Variants in DNAH11 observed in about 807,000 individuals in gnomAD.
The protein encoded by DNAH11 is axonemal beta dynein heavy chain 11.
Under a neutral mutation model 526.0 loss-of-function variants are expected in DNAH11, and 442 were observed. That is an observed-to-expected ratio of 0.84 (90% CI 0.78 to 0.91). DNAH11 has a LOEUF of 0.91. Among genes scored for constraint, DNAH11 ranks in the 40% least tolerant of loss-of-function variants. DNAH11 has a pLI of 0.00. For synonymous variants in DNAH11, 2,461 were observed against 1,935.9 expected (o/e 1.27, Z -7.12); for missense variants, 6,989 against 5,448.7 (o/e 1.28, Z -8.90).
chr7:21,625,333 T>C lies in DNAH11; in HGVS notation c.4500+5255T>C, dbSNP rs528116072. ...TGTTCATAGTAGTCTCTTATGATCC[T>C]TTGTATTTCTGTCGTATCAGTTGTA... On this transcript the variant is annotated intron_variant, in intron 25 of 81. Transcript: ENST00000409508. Among the ~76,000 whole-genome samples the C allele has an allele frequency of 2.0e-5, 3 of 152,286 alleles. No homozygotes were observed. In the East Asian group the frequency reaches 5.8e-4, roughly 29 times the overall value.
chr7:21,714,920 C>G (rs946250797), intron 42 of DNAH11, among the ~76,000 whole-genome samples: 1 of 152,204 alleles, frequency 6.6e-6, no homozygotes, highest in Non-Finnish European at 1.5e-5. Context: ...AACTTTAGAT[C>G]ATACTCTTTC....
chr7:21,743,397 A>G (rs1201606567), intron 49 of DNAH11, among the ~76,000 whole-genome samples: 1 of 152,226 alleles, frequency 6.6e-6, no homozygotes. Context: ...TATTTGACTT[A>G]GGAAATTCTG....
intron 57 of DNAH11, among the ~76,000 whole-genome samples, chr7:21,782,919 A>AAAAG (rs201885292): frequency 1.3e-5 from 1 of 74,296 alleles, no homozygotes; most frequent in African/African-American, 3.7e-5. Flanking sequence ...AAAAAAAAAA[A>AAAAG]AAAGAAAGAA....
intron 68 of DNAH11, among the ~76,000 whole-genome samples, 173 bp from the exon 69 acceptor site, chr7:21,861,680 C>T: frequency 6.6e-6 from 1 of 152,134 alleles, no homozygotes; most frequent in East Asian, 1.9e-4. Flanking sequence ...ACAGTAATGA[C>T]AGCAAACATT....
intron 61 of DNAH11, among the ~76,000 whole-genome samples, chr7:21,789,808 T>TCTTTCTTTCTTTCTTCTTTC: frequency 2.9e-5 from 1 of 34,084 alleles, no homozygotes; most frequent in South Asian, 1.1e-3. Flanking sequence ...TTTCTTTCTT[T>TCTTTCTTTCTTTCTTCTTTC]TTTCTTTCTT....
intron 61 of DNAH11, among the ~76,000 whole-genome samples, chr7:21,791,012 A>G (rs10230885): frequency 0.15 from 22,247 of 152,182 alleles, 2,505 homozygotes; most frequent in African/African-American, 0.31. Context: ...CACTGTCGTG[A>G]ATCCTGTTAT....
intron 61 of DNAH11, 119 bp from the exon 62 acceptor site, chr7:21,801,018 A>G: frequency 1.9e-6 from 2 of 1,074,134 alleles, no homozygotes; most frequent in South Asian, 1.4e-5. Flanking sequence ...TAAAGGGGCA[A>G]AGGTTAATGG....
At chr7:21,547,783 G>C (rs1231686444) in intron 2 of DNAH11, among the ~76,000 whole-genome samples, 1 of 152,096 alleles carries the variant, frequency 6.6e-6, no homozygotes, top group African/African-American at 2.4e-5. Flanking sequence ...TTTCTCACAA[G>C]TTCCCTCCTC....
chr7:21,561,815 A>G (rs571631025), intron 5 of DNAH11, among the ~76,000 whole-genome samples: 1 of 152,338 alleles, frequency 6.6e-6, no homozygotes, highest in Middle Eastern at 3.4e-3. Context: ...GCATTTAGTT[A>G]TGGATATACA....
intron 66 of DNAH11, among the ~76,000 whole-genome samples, chr7:21,847,742 T>C (rs1266041809): frequency 6.6e-6 from 1 of 152,228 alleles, no homozygotes; most frequent in Admixed American, 6.5e-5. Context: ...CTGCTGGATC[T>C]GTCAATTATG....
intron 14 of DNAH11, among the ~76,000 whole-genome samples, chr7:21,593,265 G>C (rs947442994): frequency 6.6e-6 from 1 of 152,154 alleles, no homozygotes; most frequent in Non-Finnish European, 1.5e-5. Flanking sequence ...TAAAGACGGA[G>C]GCTAACCCTC....
intron 79 of DNAH11, 95 bp downstream of exon 79, chr7:21,895,094 G>C (rs1784463022): frequency 2.0e-6 from 2 of 1,010,724 alleles, no homozygotes; most frequent in Non-Finnish European, 3.0e-6. Context: ...TGCAGACGGA[G>C]CTTTGTGACT....
chr7:21,820,280 TC>T (rs1344111781), intron 65 of DNAH11, among the ~76,000 whole-genome samples: 1 of 152,166 alleles, frequency 6.6e-6, no homozygotes, highest in Non-Finnish European at 1.5e-5. Flanking sequence ...AAGCTACACT[TC>T]CATAAGTAAA....
chr7:21,646,899 C>A (rs749872094), intron 28 of DNAH11, among the ~76,000 whole-genome samples: 1 of 151,960 alleles, frequency 6.6e-6, no homozygotes, highest in East Asian at 1.9e-4. Flanking sequence ...TTTTAAGCAG[C>A]GTAAAGTTCA....
chr7:21,790,236 G>A (rs1229974747), intron 61 of DNAH11, among the ~76,000 whole-genome samples: 2 of 152,002 alleles, frequency 1.3e-5, no homozygotes, highest in Non-Finnish European at 2.9e-5. Flanking sequence ...CACGACATCA[G>A]GAGATCGAGA....
chr7:21,617,602 C>T lies in DNAH11; in HGVS notation c.4096-17C>T. ...TTATATCTTGGGAGCTAGGTTTTTTCCTCCACTTTTCTTTAGGAAATTTGG... is the reference window on the plus strand; with the variant it reads ...TTATATCTTGGGAGCTAGGTTTTTTTCTCCACTTTTCTTTAGGAAATTTGG... On this transcript the variant is annotated splice_polypyrimidine_tract_variant and intron_variant, in intron 22 of 81. Coordinates refer to ENST00000409508, the MANE Select transcript of DNAH11 (RefSeq NM_001277115.2). The T allele has an allele frequency of 6.2e-7, 1 of 1,613,100 alleles. No individual in the cohort carries two copies. The highest frequency in any genetic ancestry group is 8.5e-7 in the Non-Finnish European group (1 of 1,179,510).
intron 62 of DNAH11, among the ~76,000 whole-genome samples, chr7:21,806,706 A>T (rs887670089): frequency 5.3e-5 from 8 of 152,178 alleles, no homozygotes; most frequent in African/African-American, 1.9e-4. Context: ...ATTAATTTGC[A>T]TGTTCTTAAA....
intron 25 of DNAH11, 123 bp downstream of exon 25, chr7:21,620,201 C>A: frequency 1.1e-6 from 1 of 892,298 alleles, no homozygotes; most frequent in African/African-American, 1.7e-5. Flanking sequence ...TTAAATCAGG[C>A]TAACCGTCAT....
chr7:21,720,875 T>C lies in DNAH11; in HGVS notation c.7266+19T>C, dbSNP rs1178051622. 3.7e-6 allele frequency: 6 copies of C among 1,607,944 alleles called. No homozygotes were observed. The highest frequency in any genetic ancestry group is 1.7e-5 in the Admixed American group (1 of 59,504). ...AGATCAGGTATGTTTAGAAATAGTT[T>C]ACAGGACCAGTTTCCAGTTTTGTGT... On this transcript the variant is annotated intron_variant, in intron 44 of 81. Transcript: ENST00000409508.
Sources: allele counts gnomAD v4.1 joint callset (sites outside exome capture counted in the v4.1 genomes callset), GRCh38; gene constraint gnomAD v4.1.1; transcripts MANE v1.5; gene names NCBI Gene and HGNC (gene_info 2026-07-23, HGNC 2026-07-21).